Variants in CTNNA3 observed in about 807,000 individuals in gnomAD.
The protein encoded by CTNNA3 is catenin alpha 3, also known as catenin alpha-3.
A neutral mutation model predicts 95.7 loss-of-function variants in CTNNA3; 76 were observed. That is an observed-to-expected ratio of 0.79 (90% CI 0.66 to 0.96). CTNNA3 has a LOEUF of 0.96. Among genes scored for constraint, CTNNA3 ranks in the 40% least tolerant of loss-of-function variants. The pLI, the probability that CTNNA3 is intolerant of heterozygous loss-of-function variation, is 0.00. For missense variants in CTNNA3, 1,191 were observed against 1,089.8 expected, an observed-to-expected ratio of 1.09 and a Z score of -1.31; for synonymous variants, 431 against 374.4, an observed-to-expected ratio of 1.15 and a Z score of -1.74.
At chr10:65,984,119 A>G (rs1421653761) in intron 16 of CTNNA3, among the ~76,000 whole-genome samples, 1 of 151,336 alleles carries the variant, frequency 6.6e-6, no homozygotes, top group Non-Finnish European at 1.5e-5. Context: ...ACCTTCTGAC[A>G]CACCAGCAAA....
At chr10:65,944,628 T>G (rs2077481280) in intron 17 of CTNNA3, among the ~76,000 whole-genome samples, 1 of 152,224 alleles carries the variant, frequency 6.6e-6, no homozygotes, top group African/African-American at 2.4e-5. Flanking sequence ...TTCACTCATA[T>G]GTCCATGCAT....
At chr10:67,114,709 GGTGTGT>G (rs56772381) in intron 7 of CTNNA3, among the ~76,000 whole-genome samples, 1,520 of 144,672 alleles carry the variant, frequency 0.011, 24 homozygotes, top group African/African-American at 0.024. Context: ...GGTTCTTAAA[GGTGTGT>G]GTGTGTGTGT....
chr10:66,812,394 G>T (rs35690454), intron 7 of CTNNA3, among the ~76,000 whole-genome samples: 2,910 of 152,200 alleles, frequency 0.019, 133 homozygotes, highest in East Asian at 0.19. Context: ...ATGGTATTCT[G>T]CTATGACAAT....
At chr10:66,943,674 T>C (rs969353844) in intron 7 of CTNNA3, among the ~76,000 whole-genome samples, 3 of 152,182 alleles carry the variant, frequency 2.0e-5, no homozygotes, top group African/African-American at 7.2e-5. Context: ...CATAGTTTTG[T>C]ACTTTTGTAC....
In CTNNA3 at chr10:67,712,880, A is replaced by G. The variant is rs528914281; in HGVS notation, c.-2+50554T>C. On this transcript the variant is annotated intron_variant, in intron 1 of 17. Coordinates refer to the CTNNA3 transcript ENST00000684154. The stretch of plus-strand genomic sequence containing the variant: ...ATTCAGGACATAGGCATGAGCAAAG[A>G]CCTCATGACCAAAACACCAGAAGCC... Among the ~76,000 whole-genome samples, 6 of 152,278 alleles carry G rather than the reference A, an allele frequency of 3.9e-5. No individual in the cohort carries two copies. In the South Asian group the frequency reaches 1.0e-3, roughly 26 times the overall value.
At chr10:66,445,888 G>A (rs957013770) in intron 11 of CTNNA3, among the ~76,000 whole-genome samples, 2 of 152,048 alleles carry the variant, frequency 1.3e-5, no homozygotes, top group African/African-American at 4.8e-5. Flanking sequence ...TCCAGGAGCT[G>A]GTTTTTTGAA....
At chr10:66,180,367 A>T (rs777836408) in intron 13 of CTNNA3, among the ~76,000 whole-genome samples, 5 of 152,146 alleles carry the variant, frequency 3.3e-5, no homozygotes, top group Admixed American at 6.5e-5. Flanking sequence ...TCTGCTCCAA[A>T]ATCCAAAGGG....
intron 7 of CTNNA3, among the ~76,000 whole-genome samples, chr10:67,122,611 G>A (rs1437994060): frequency 6.6e-6 from 1 of 152,014 alleles, no homozygotes; most frequent in Non-Finnish European, 1.5e-5. Context: ...AGTAACAAAT[G>A]CTGCATATCA....
intron 9 of CTNNA3, among the ~76,000 whole-genome samples, chr10:66,625,419 C>T (rs1844899151): frequency 6.6e-6 from 1 of 152,066 alleles, no homozygotes; most frequent in Non-Finnish European, 1.5e-5. Flanking sequence ...GACCAAGTCT[C>T]ACTAGGTCGC....
At chr10:67,323,598 T>C (rs1035593755) in intron 5 of CTNNA3, among the ~76,000 whole-genome samples, 6 of 152,222 alleles carry the variant, frequency 3.9e-5, no homozygotes, top group South Asian at 2.1e-4. Context: ...ACCAGTACCA[T>C]GCTGTTTTGG....
At chr10:66,102,266 G>A (rs903984795) in intron 14 of CTNNA3, among the ~76,000 whole-genome samples, 2 of 152,190 alleles carry the variant, frequency 1.3e-5, no homozygotes, top group Admixed American at 6.5e-5. Flanking sequence ...TATTGTTGCT[G>A]CTGCTATTAC....
intron 2 of CTNNA3, among the ~76,000 whole-genome samples, chr10:67,646,141 T>A (rs1839699404): frequency 6.6e-6 from 1 of 150,622 alleles, no homozygotes; most frequent in Non-Finnish European, 1.5e-5. Context: ...GACATTCCAA[T>A]TTTTTTGTGA....
Position 66,444,250 on chromosome 10 carries a change from G to T in CTNNA3, c.1532-64898C>A, listed in dbSNP as rs562397007. Among the ~76,000 whole-genome samples, 223 of 152,224 alleles carry T rather than the reference G, an allele frequency of 1.5e-3. 1 individual carries two copies. The highest frequency in any genetic ancestry group is 1.2e-3 in the Non-Finnish European group (82 of 68,014). ...ATAGAACCAAGTTGGAAAACACTCT[G>T]CAGGATATTATCCAGGAGAACTTCC... On this transcript the variant is annotated intron_variant, in intron 11 of 17. Coordinates refer to ENST00000433211, the MANE Select transcript of CTNNA3 (RefSeq NM_013266.4).
intron 17 of CTNNA3, among the ~76,000 whole-genome samples, chr10:65,955,980 T>C (rs2077721121): frequency 6.6e-6 from 1 of 152,208 alleles, no homozygotes; most frequent in Admixed American, 6.5e-5. Flanking sequence ...CTCCTCTTTG[T>C]GCCTCTGGGA....
intron 5 of CTNNA3, among the ~76,000 whole-genome samples, chr10:67,509,720 C>A (rs1338357036): frequency 2.0e-5 from 3 of 152,196 alleles, no homozygotes; most frequent in African/African-American, 4.8e-5. Flanking sequence ...AATGGGGTTG[C>A]TGGATCAAAT....
chr10:67,193,605 T>TA (rs1425938678), intron 6 of CTNNA3, among the ~76,000 whole-genome samples: 2 of 152,088 alleles, frequency 1.3e-5, no homozygotes, highest in African/African-American at 4.8e-5. Context: ...GGTTTTCTGT[T>TA]ACTGCTCCAG....
intron 13 of CTNNA3, among the ~76,000 whole-genome samples, chr10:66,177,950 T>G (rs1054363799): frequency 1.3e-5 from 2 of 151,954 alleles, no homozygotes; most frequent in Non-Finnish European, 2.9e-5. Flanking sequence ...ATAATTTTGT[T>G]TTCTTTTTTC....
At chr10:66,078,154 T>C (rs899950555) in intron 14 of CTNNA3, among the ~76,000 whole-genome samples, 5 of 151,920 alleles carry the variant, frequency 3.3e-5, no homozygotes, top group Non-Finnish European at 5.9e-5. Flanking sequence ...AGAAAATCTT[T>C]ATCTTTCCTC....
chr10:67,487,287 C>CA (rs1213666353), intron 5 of CTNNA3, among the ~76,000 whole-genome samples: 1 of 152,132 alleles, frequency 6.6e-6, no homozygotes, highest in African/African-American at 2.4e-5. Flanking sequence ...TCCCCCTTGG[C>CA]AAAAAATGTC....
Sources: allele counts gnomAD v4.1 joint callset (sites outside exome capture counted in the v4.1 genomes callset), GRCh38; gene constraint gnomAD v4.1.1; transcripts MANE v1.5; gene names NCBI Gene and HGNC (gene_info 2026-07-23, HGNC 2026-07-21).